Variants in NKAPD1 observed in about 807,000 individuals in gnomAD.
NKAPD1 encodes the protein uncharacterized protein NKAPD1.
NKAPD1 carries 12 observed loss-of-function variants against 30.9 expected under a neutral mutation model. The ratio of observed to expected loss-of-function variants is 0.39; its 90% confidence interval spans 0.25 to 0.63. The LOEUF (loss-of-function observed/expected upper bound fraction) is 0.63. Ranked by LOEUF, NKAPD1 falls within the 20% of genes least tolerant of loss-of-function variation. The probability of loss-of-function intolerance (pLI) is 0.51; values close to 1 mark genes in which losing one functional copy is unlikely to be tolerated. For missense variants in NKAPD1, 311 were observed against 344.5 expected (o/e 0.90, Z 0.77); for synonymous variants, 91 against 113.6 (o/e 0.80, Z 1.26).
chr11:112,079,819 T>A (rs1865407280), intron 3 of NKAPD1, among the ~76,000 whole-genome samples: 1 of 151,744 alleles, frequency 6.6e-6, no homozygotes, highest in Admixed American at 6.6e-5. Context: ...TTTTTCTTTT[T>A]TTTTTTTCCT....
Position 112,074,507 on chromosome 11 carries a change from C to T in NKAPD1, c.-418C>T, listed in dbSNP as rs1555185321. The T allele has an allele frequency of 2.5e-6, 1 of 398,978 alleles. No individual in the cohort carries two copies. Among genetic ancestry groups the T allele is most frequent in the African/African-American group, 2.1e-5 (1 of 48,636 alleles). The allele number at this position is 398,978 out of a possible 1,614,324, so 24.7% of individuals were successfully genotyped here. On this transcript the variant is annotated 5_prime_UTR_variant, in exon 1 of 6. An upstream open reading frame in the 5' UTR gains an earlier in-frame stop. Transcript: ENST00000393047. ...CACTTGGAAACCTCAACCCCCGCTT[C>T]AGGCTCCCTAGATACTTTCTGGGGC...
chr11:112,080,924 T>C, intron 4 of NKAPD1: 1 of 190,864 alleles, frequency 5.2e-6, no homozygotes, highest in Non-Finnish European at 1.1e-5. Context: ...TCCATTTATG[T>C]GGTAGGCAAT....
chr11:112,078,390 T>C, intron 3 of NKAPD1, 75 bp downstream of exon 3: 4 of 1,192,566 alleles, frequency 3.4e-6, no homozygotes, highest in South Asian at 1.3e-5. Context: ...AAAAATACTT[T>C]GGTATATTAA....
chr11:112,079,899 C>T (rs970825747), intron 3 of NKAPD1, among the ~76,000 whole-genome samples: 7 of 151,992 alleles, frequency 4.6e-5, no homozygotes, highest in Non-Finnish European at 7.4e-5. Context: ...GCAACCTCTG[C>T]CTCCCCGGGT....
Position 112,075,615 on chromosome 11 carries a change from T to A in NKAPD1, c.41T>A (p.Val14Asp), listed in dbSNP as rs1865310373. Reference sequence around the variant, plus strand: ...CTGGGGAAGGTCCTCCTGAGGAATGTCATCCGGCACACAGATGCTCACAAT... The same window carrying A: ...CTGGGGAAGGTCCTCCTGAGGAATGACATCCGGCACACAGATGCTCACAAT... ...IPLGKVLLRN[V>D]IRHTDAHNKI... The change falls in exon 2 of 6, where the codon GTC (valine) becomes GAC (aspartate). Residue 14 changes from valine to aspartate, a missense_variant. Val to Asp is a radical substitution (Grantham distance 152). Coordinates refer to ENST00000393047, the MANE Select transcript of NKAPD1 (RefSeq NM_018195.4). 6.2e-7 allele frequency: 1 copy of A among 1,607,272 alleles called. No individual in the cohort carries two copies.
At position 112,074,491 on chromosome 11, in the gene NKAPD1, A is replaced by G; in HGVS notation, c.-434A>G. On this transcript the variant is annotated 5_prime_UTR_variant, in exon 1 of 6. Transcript: ENST00000393047. ...TATTTCCTCTGTCTTCCACTTGGAA[A>G]CCTCAACCCCCGCTTCAGGCTCCCT... is the stretch of plus-strand genomic sequence containing the variant. The G allele has an allele frequency of 2.5e-6, 1 of 398,206 alleles. No individual in the cohort carries two copies. The highest frequency in any genetic ancestry group is 2.1e-5 in the African/African-American group (1 of 48,418). The allele number at this position is 398,206 out of a possible 1,614,324, so 24.7% of individuals were successfully genotyped here.
chr11:112,075,668 C>T, intron 2 of NKAPD1, 25 bp downstream of exon 2: 1 of 1,602,134 alleles, frequency 6.2e-7, no homozygotes. Context: ...CTAGTTACTC[C>T]TCAACGCTTA....
intron 3 of NKAPD1, among the ~76,000 whole-genome samples, chr11:112,079,141 A>ATTTT (rs35305300): frequency 6.9e-5 from 8 of 115,912 alleles, no homozygotes; most frequent in East Asian, 4.9e-4. Flanking sequence ...GGCCCTTACA[A>ATTTT]TTTTTTTTTT....
chr11:112,075,215 T>C (rs1207291490), intron 1 of NKAPD1, among the ~76,000 whole-genome samples: 1 of 152,242 alleles, frequency 6.6e-6, no homozygotes, highest in East Asian at 1.9e-4. Flanking sequence ...CTATGTGGCT[T>C]GGGACGTTAC....
chr11:112,078,291 G>A lies in NKAPD1; in HGVS notation c.146G>A (p.Arg49Lys), dbSNP rs1430936109. The A allele has an allele frequency of 1.2e-6, 2 of 1,612,312 alleles. No homozygotes were observed. The highest frequency in any genetic ancestry group is 1.7e-5 in the Admixed American group (1 of 59,956). Residue 49 changes from arginine (R) to lysine (K), a missense_variant, in exon 3 of 6, where the codon AGG (arginine) becomes AAG (lysine). Coordinates refer to ENST00000393047, the MANE Select transcript of NKAPD1 (RefSeq NM_018195.4). ...QMEDAYRGTK[R>K]KMLPSSSSRM... ...GAAGATGCTTACCGGGGGACCAAAA[G>A]GAAAATGCTACCCAGCAGTTCAAGG...
In NKAPD1 at chr11:112,083,059, G is replaced by A. The variant is rs772078987; in HGVS notation, c.*87G>A. ...TTTGCCAGTGACTCTTGTTCAGCAC[G>A]GGGCCTGAGGTCAGAGCTGTCTTGT... On this transcript the variant is annotated 3_prime_UTR_variant, in exon 6 of 6. Transcript: ENST00000393047. 25 of 1,400,974 alleles carry A rather than the reference G, an allele frequency of 1.8e-5. No individual in the cohort carries two copies. In the Admixed American group the frequency reaches 4.2e-4, roughly 24 times the overall value. The allele number at this position is 1,400,974 out of a possible 1,614,324, so 86.8% of individuals were successfully genotyped here. A position where few individuals can be genotyped will look rare whatever the true frequency, so the allele number is the denominator to read the frequency against.
intron 3 of NKAPD1, among the ~76,000 whole-genome samples, chr11:112,078,858 T>C (rs950612158): frequency 2.0e-5 from 3 of 152,186 alleles, no homozygotes; most frequent in Non-Finnish European, 4.4e-5. Context: ...CTCAGACTTT[T>C]CTTCACCCTG....
intron 2 of NKAPD1, 82 bp from the exon 3 acceptor site, chr11:112,078,133 T>G (rs922579801): frequency 1.9e-6 from 2 of 1,070,016 alleles, no homozygotes; most frequent in African/African-American, 3.2e-5. Context: ...TGTGAGCCAC[T>G]GTGCCCGGCC....
Position 112,082,875 on chromosome 11 carries a change from C to G in NKAPD1, c.785C>G (p.Ser262Cys). 1 of 1,613,488 alleles carries G rather than the reference C, an allele frequency of 6.2e-7. No homozygotes were observed. The highest frequency in any genetic ancestry group is 8.5e-7 in the Non-Finnish European group (1 of 1,179,912). ...RKKREKKAHTSVANNEIQERT... is the reference protein window; with the variant it reads ...RKKREKKAHTCVANNEIQERT... ...AAGAGAGAGAAAAAAGCCCATACCTCTGTAGCCAACAATGAAATACAGGAG... is the reference window on the plus strand; with the variant it reads ...AAGAGAGAGAAAAAAGCCCATACCTGTGTAGCCAACAATGAAATACAGGAG... Residue 262 changes from serine (S) to cysteine (C), a missense_variant, in exon 6 of 6, where the codon TCT becomes TGT. By Grantham distance (112) the Ser-to-Cys change is moderately radical. Transcript: ENST00000393047.
chr11:112,080,094 C>A (rs1652883708), intron 3 of NKAPD1, among the ~76,000 whole-genome samples: 1 of 152,150 alleles, frequency 6.6e-6, no homozygotes, highest in Non-Finnish European at 1.5e-5. Context: ...GGATTACAGG[C>A]ATGAGCCACT....
chr11:112,078,748 T>G (rs1865383246), intron 3 of NKAPD1, among the ~76,000 whole-genome samples: 2 of 152,180 alleles, frequency 1.3e-5, no homozygotes, highest in South Asian at 4.1e-4. Context: ...AGGTGGTGTC[T>G]TGCTGTGTTC....
chr11:112,078,237 G>A lies in NKAPD1; in HGVS notation c.92G>A (p.Trp31Ter), dbSNP rs751423543. ...TAGATTCAGGAGGAATCAGATATGTGGAAAATAAGAGAACTGGAAAAACAG... is the reference window on the plus strand; with the variant it reads ...TAGATTCAGGAGGAATCAGATATGTAGAAAATAAGAGAACTGGAAAAACAG... ...HNKIQEESDM[W>*]KIRELEKQME... is the part of the protein sequence containing the mutation. Residue 31 changes from tryptophan to a stop codon, truncating the protein, a stop_gained, in exon 3 of 6, where the codon TGG becomes TAG. Transcript: ENST00000393047. LOFTEE classifies it high-confidence loss of function. The A allele has an allele frequency of 6.2e-7, 1 of 1,611,528 alleles. No individual in the cohort carries two copies. Among genetic ancestry groups the A allele is most frequent in the Non-Finnish European group, 8.5e-7 (1 of 1,178,662 alleles).
At chr11:112,081,448 CAT>C (rs1472640770) in intron 4 of NKAPD1, 1 of 153,204 alleles carries the variant, frequency 6.5e-6, no homozygotes, top group African/African-American at 2.4e-5. Context: ...GCCTGGCCAA[CAT>C]AATGAAACCC....
At position 112,074,464 on chromosome 11, in the gene NKAPD1, G is replaced by C. The variant is rs995298831; in HGVS notation, c.-461G>C. ...CAGGGATCCCGGTGACAAAGATGGGGATATTTCCTCTGTCTTCCACTTGGA... is the reference window on the plus strand; with the variant it reads ...CAGGGATCCCGGTGACAAAGATGGGCATATTTCCTCTGTCTTCCACTTGGA... On this transcript the variant is annotated 5_prime_UTR_variant, in exon 1 of 6. Transcript: ENST00000393047. 9 of 398,982 alleles carry C rather than the reference G, an allele frequency of 2.3e-5. No homozygotes were observed. Among genetic ancestry groups the C allele is most frequent in the East Asian group, 3.6e-5 (1 of 28,080 alleles). 24.7% of individuals were successfully genotyped at this position (398,982 alleles called of 1,614,324 possible).
Sources: allele counts gnomAD v4.1 joint callset (sites outside exome capture counted in the v4.1 genomes callset), GRCh38; gene constraint gnomAD v4.1.1; transcripts MANE v1.5; gene names NCBI Gene and HGNC (gene_info 2026-07-23, HGNC 2026-07-21).